The following SIK3 variants were observed in gnomAD, a reference collection of about 807,000 sequenced individuals.
SIK3 encodes SIK family kinase 3.
Under a neutral mutation model 144.2 loss-of-function variants are expected in SIK3, and 28 were observed. The ratio of observed to expected loss-of-function variants is 0.19; its 90% CI spans 0.14 to 0.27. The LOEUF is 0.27. SIK3 is among the 10% of genes least tolerant of loss of function. The pLI, the probability that SIK3 is intolerant of heterozygous loss-of-function variation, is 1.00. For missense variants in SIK3, 1,319 were observed against 1,776.0 expected, an observed-to-expected ratio of 0.74 and a Z score of 4.62; for synonymous variants, 686 against 676.3, an observed-to-expected ratio of 1.01 and a Z score of -0.22.
chr11:117,047,485 C>T (rs1460024762), intron 1 of SIK3, among the ~76,000 whole-genome samples: 1 of 152,086 alleles, frequency 6.6e-6, no homozygotes, highest in Non-Finnish European at 1.5e-5. Flanking sequence ...TCAAACAAGT[C>T]AATTTCAGGA....
chr11:117,066,443 A>T (rs112895963), intron 1 of SIK3, among the ~76,000 whole-genome samples: 24,738 of 151,978 alleles, frequency 0.16, 2,127 homozygotes, highest in Admixed American at 0.21. Flanking sequence ...AAAAAAAAAA[A>T]TCTTTGCAAA....
intron 1 of SIK3, among the ~76,000 whole-genome samples, chr11:117,085,494 T>C (rs1214273815): frequency 6.6e-6 from 1 of 152,090 alleles, no homozygotes; most frequent in Non-Finnish European, 1.5e-5. Flanking sequence ...CCAAAATATC[T>C]ACCGATGAAA....
At position 116,867,009 on chromosome 11, in the gene SIK3, AG is replaced by A. The variant is rs1187759564; in HGVS notation, c.1952+936del. On this transcript the variant is annotated intron_variant, in intron 15 of 24. Coordinates refer to ENST00000445177, the MANE Select transcript of SIK3 (RefSeq NM_001366686.3). The surrounding 1 kb of genome is among the most constrained non-coding windows in gnomAD (Gnocchi z 4.1). ...TGATGCCAAATGGGTAACCAGCCTCAGTAAAAAAAATGTGTCAAGCTTGCCA... is the reference window on the plus strand; with the variant it reads ...TGATGCCAAATGGGTAACCAGCCTCATAAAAAAAATGTGTCAAGCTTGCCA... Among the ~76,000 whole-genome samples, 1 of 152,190 alleles carries A rather than the reference AG, an allele frequency of 6.6e-6. No individual in the cohort carries two copies. The highest frequency in any genetic ancestry group is 2.4e-5 in the African/African-American group (1 of 41,434).
rs781652793 is a variant in SIK3, at chr11:116,861,923, A to G, written c.2233T>C (p.Ser745Pro). 2.5e-6 allele frequency: 4 copies of G among 1,606,708 alleles called. No homozygotes were observed. The highest frequency in any genetic ancestry group is 3.4e-6 in the Non-Finnish European group (4 of 1,176,206). The part of the protein sequence containing the change: ...HQILQQQIQD[S>P]ICPPQPSPPL... ...GGAGATGGCTGAGGAGGACAGATAGAGTCCTAAAACATATATGGGGAAAGG... is the reference window on the plus strand; with the variant it reads ...GGAGATGGCTGAGGAGGACAGATAGGGTCCTAAAACATATATGGGGAAAGG... Residue 745 changes from serine to proline, a missense_variant, in exon 18 of 25, where the codon TCT becomes CCT. By Grantham distance (74) the Ser-to-Pro change is moderately conservative. Around this residue, in one of 8 missense-constraint regions of SIK3, gnomAD observed 77 missense variants for 141.9 expected, o/e 0.54. Coordinates refer to ENST00000445177, the MANE Select transcript of SIK3 (RefSeq NM_001366686.3).
intron 1 of SIK3, among the ~76,000 whole-genome samples, chr11:117,001,357 T>C (rs1010090505): frequency 6.6e-6 from 1 of 152,066 alleles, no homozygotes; most frequent in African/African-American, 2.4e-5. Flanking sequence ...ACTACAAAAA[T>C]TAGCCAGGCA....
intron 1 of SIK3, among the ~76,000 whole-genome samples, chr11:117,076,706 T>A (rs1436189375): frequency 6.6e-6 from 1 of 151,962 alleles, no homozygotes; most frequent in Non-Finnish European, 1.5e-5. Flanking sequence ...ATTTTTGTAT[T>A]TTTATTTTGT....
At chr11:117,061,242 C>G (rs1953778966) in intron 1 of SIK3, among the ~76,000 whole-genome samples, 1 of 151,398 alleles carries the variant, frequency 6.6e-6, no homozygotes, top group African/African-American at 2.4e-5. Context: ...GACCCCATCT[C>G]AAAAAATAGA....
intron 16 of SIK3, among the ~76,000 whole-genome samples, chr11:116,862,946 C>T (rs190399975): frequency 5.3e-5 from 8 of 152,170 alleles, no homozygotes; most frequent in Admixed American, 2.6e-4. Context: ...TGGTGGTGCA[C>T]GCCTGTAGTC....
At chr11:117,082,899 C>T (rs188372757) in intron 1 of SIK3, among the ~76,000 whole-genome samples, 1 of 152,214 alleles carries the variant, frequency 6.6e-6, no homozygotes, top group African/African-American at 2.4e-5. Context: ...GATTCCCGCA[C>T]CAGTCTCAGT....
intron 3 of SIK3, among the ~76,000 whole-genome samples, chr11:116,933,073 A>G (rs1205680128): frequency 6.6e-6 from 1 of 151,496 alleles, no homozygotes; most frequent in African/African-American, 2.4e-5. Context: ...GACTGGCCTG[A>G]TATTTTTAGT....
rs147788751 is a variant in SIK3 at position 116,993,950 on chromosome 11, C to G, written c.274-36886G>C. Reference sequence around the variant, plus strand: ...AGTGAGTTACACATCCGTGACGAAACAGACATGTGTTTGTGTGCATGTATT... The same window carrying G: ...AGTGAGTTACACATCCGTGACGAAAGAGACATGTGTTTGTGTGCATGTATT... On this transcript the variant is annotated intron_variant, in intron 1 of 24. Transcript: ENST00000445177. Among the ~76,000 whole-genome samples, 439 of 152,306 alleles carry G rather than the reference C, an allele frequency of 2.9e-3. 6 individuals are homozygous for G. The highest frequency in any genetic ancestry group is 9.6e-3 in the African/African-American group (400 of 41,576).
In SIK3 at chr11:116,858,300, CTGCTGCTGCTGCCGT is replaced by C; in HGVS notation, c.3150_3164del (p.Arg1051_Gln1055del). ...GGTATTCTTGCTGTTGCTGCTGTTG[CTGCTGCTGCTGCCGT>C]TGTTGCTGCTGCCTTTTAATGAGCT... is the stretch of plus-strand genomic sequence containing the variant. On this transcript the variant is annotated inframe_deletion, in exon 21 of 25. Coordinates refer to ENST00000445177, the MANE Select transcript of SIK3 (RefSeq NM_001366686.3). This position sits in a 1 kb window ranked among gnomAD's most constrained non-coding sequence, Gnocchi z 5.4. The C allele has an allele frequency of 6.2e-7, 1 of 1,606,702 alleles. No individual in the cohort carries two copies. Among genetic ancestry groups the C allele is most frequent in the Non-Finnish European group, 8.5e-7 (1 of 1,174,928 alleles).
In SIK3 at chr11:117,089,763, G is replaced by A. The variant is rs538264776; in HGVS notation, c.273+8380C>T. ...AACCTAAATTTAGTTTAAAATAACT[G>A]GCCGAAAGTATCCAACTGAGTGAGC... On this transcript the variant is annotated intron_variant, in intron 1 of 24. Transcript: ENST00000445177. Among the ~76,000 whole-genome samples, 51 of 152,254 alleles carry A rather than the reference G, an allele frequency of 3.3e-4. 1 individual carries two copies. The highest frequency in any genetic ancestry group is 1.2e-3 in the African/African-American group (51 of 41,538).
In SIK3 at chr11:116,844,804, A is replaced by G. The variant is rs550273151; in HGVS notation, c.*839T>C. On this transcript the variant is annotated 3_prime_UTR_variant, in exon 25 of 25. Coordinates refer to ENST00000445177, the MANE Select transcript of SIK3 (RefSeq NM_001366686.3). ...TGCACTGCTGTTGGGTGTTCAGTCC[A>G]TGGATAAAACCAGCAGGATGATAAA... 2.6e-5 allele frequency: 4 copies of G among 151,030 alleles called. No individual in the cohort carries two copies. Among genetic ancestry groups the G allele is most frequent in the Admixed American group, 1.3e-4 (2 of 14,992 alleles). The allele number at this position is 151,030 out of a possible 1,614,324, so 9.4% of individuals were successfully genotyped here. A position where few individuals can be genotyped will look rare whatever the true frequency, so the allele number is the denominator to read the frequency against.
intron 1 of SIK3, among the ~76,000 whole-genome samples, chr11:117,040,352 A>G (rs1283571977): frequency 2.0e-5 from 3 of 152,216 alleles, no homozygotes; most frequent in Admixed American, 2.0e-4. Flanking sequence ...CATTTATTAT[A>G]GTAAACAACA....
chr11:116,885,185 T>C (rs1944750032), intron 6 of SIK3, among the ~76,000 whole-genome samples: 1 of 152,160 alleles, frequency 6.6e-6, no homozygotes, highest in Non-Finnish European at 1.5e-5. Context: ...ATAGAGGCCA[T>C]AGGGAGATGG....
chr11:117,025,825 G>A (rs755335411), intron 1 of SIK3, among the ~76,000 whole-genome samples: 14 of 152,032 alleles, frequency 9.2e-5, no homozygotes, highest in Admixed American at 2.6e-4. Context: ...CCAAGATGAC[G>A]TGGTGAGTCA....
At chr11:116,877,602 C>T (rs1001446389) in intron 6 of SIK3, among the ~76,000 whole-genome samples, 1 of 152,288 alleles carries the variant, frequency 6.6e-6, no homozygotes, top group Admixed American at 6.5e-5. Context: ...TTATCATTTT[C>T]TTCTCAATGT....
At chr11:116,924,768 G>A (rs1216682254) in intron 4 of SIK3, among the ~76,000 whole-genome samples, 1 of 152,184 alleles carries the variant, frequency 6.6e-6, no homozygotes, top group Non-Finnish European at 1.5e-5. Flanking sequence ...GGGGCTGGGG[G>A]TGTCCTCTGC....
Sources: allele counts gnomAD v4.1 joint callset (sites outside exome capture counted in the v4.1 genomes callset), GRCh38; gene constraint gnomAD v4.1.1; regional missense constraint gnomAD v4.1.1; non-coding constraint Gnocchi (gnomAD v3.1); transcripts MANE v1.5; gene names NCBI Gene and HGNC (gene_info 2026-07-23, HGNC 2026-07-21).